Variants in ARID3A observed in about 807,000 individuals in gnomAD.
ARID3A encodes AT-rich interaction domain 3A.
Under a neutral mutation model 52.7 loss-of-function variants are expected in ARID3A, and 11 were observed. That is an observed-to-expected ratio of 0.21 (90% CI 0.13 to 0.35). The LOEUF is 0.35. Among genes scored for constraint, ARID3A ranks in the 10% least tolerant of loss-of-function variants. ARID3A has a pLI of 1.00. For missense variants in ARID3A, 721 were observed against 838.5 expected (o/e 0.86, Z 1.73); for synonymous variants, 404 against 359.4 (o/e 1.12, Z -1.40).
chr19:934,007 G>T (rs1356590255), intron 3 of ARID3A, among the ~76,000 whole-genome samples: 2 of 152,168 alleles, frequency 1.3e-5, no homozygotes, highest in Non-Finnish European at 1.5e-5. Context: ...ATCTTTTCTG[G>T]GTTTAAGATG....
In ARID3A at chr19:974,173, T is replaced by G. The variant is rs1201715922; in HGVS notation, c.*2108T>G. The G allele has an allele frequency of 4.5e-6, 1 of 224,630 alleles. No individual in the cohort carries two copies. The highest frequency in any genetic ancestry group is 8.9e-6 in the Non-Finnish European group (1 of 112,848). 13.9% of individuals were successfully genotyped at this position (224,630 alleles called of 1,614,324 possible). On this transcript the variant is annotated 3_prime_UTR_variant, in exon 9 of 9. Transcript: ENST00000263620. ...GCTGGGGGGCTTCTGAGCCCCTGAG[T>G]CTAGGTTCACTTTCCCGTCGGGCTG...
At chr19:968,049 A>AG (rs960038016) in intron 7 of ARID3A, among the ~76,000 whole-genome samples, 35 of 148,224 alleles carry the variant, frequency 2.4e-4, no homozygotes, top group South Asian at 8.5e-4. Context: ...CGTCTCAAAA[A>AG]AAAAAAAAAA....
rs2037542106 is a variant in ARID3A, at chr19:941,102, G to GTGGC, written c.693+8363_693+8366dup. Among the ~76,000 whole-genome samples, 1 of 152,146 alleles carries GTGGC rather than the reference G, an allele frequency of 6.6e-6. No individual in the cohort carries two copies. Among genetic ancestry groups the GTGGC allele is most frequent in the African/African-American group, 2.4e-5 (1 of 41,450 alleles). ...CGCCCACCGCCGGCGTCCCACCCTG[G>GTGGC]TGGCTGCTGCCAAGCGCCGGCCCCG... On this transcript the variant is annotated intron_variant, in intron 3 of 8. Transcript: ENST00000263620. This position sits in a 1 kb window ranked among gnomAD's most constrained non-coding sequence, Gnocchi z 6.9.
intron 3 of ARID3A, among the ~76,000 whole-genome samples, chr19:953,792 G>A (rs1478928481): frequency 1.3e-5 from 2 of 152,200 alleles, no homozygotes; most frequent in African/African-American, 4.8e-5. Context: ...AAGACGCCAA[G>A]GCTGGGTCTG....
chr19:958,407 G>A (rs538577040), intron 3 of ARID3A, among the ~76,000 whole-genome samples: 13 of 132,212 alleles, frequency 9.8e-5, no homozygotes, highest in South Asian at 2.5e-4. Context: ...CAGCCTGGGC[G>A]ACAGAGCGAG....
At chr19:946,784 CTGTT>C (rs535988783) in intron 3 of ARID3A, among the ~76,000 whole-genome samples, 10 of 150,872 alleles carry the variant, frequency 6.6e-5, no homozygotes, top group African/African-American at 2.0e-4. Flanking sequence ...AACTAAAATT[CTGTT>C]TGTTTGTTTG....
In ARID3A at chr19:953,701, G is replaced by A. The variant is rs771938895; in HGVS notation, c.694-6391G>A. On this transcript the variant is annotated intron_variant, in intron 3 of 8. Coordinates refer to ENST00000263620, the MANE Select transcript of ARID3A (RefSeq NM_005224.3). ...TTGGGCGGGAAGGCAGGAGCCGAGC[G>A]GGGACCCGGGAGCTGCATTCCAGGC... Among the ~76,000 whole-genome samples, 5 of 152,172 alleles carry A rather than the reference G, an allele frequency of 3.3e-5. 1 individual carries two copies. The highest frequency in any genetic ancestry group is 5.9e-5 in the Non-Finnish European group (4 of 68,030).
At chr19:936,534 C>A (rs139157181) in intron 3 of ARID3A, among the ~76,000 whole-genome samples, 1,639 of 151,966 alleles carry the variant, frequency 0.011, 12 homozygotes, top group African/African-American at 0.023. Context: ...CAGAGCGAGA[C>A]CCTGTCTCGA....
chr19:933,047 G>T (rs932263457), intron 3 of ARID3A, among the ~76,000 whole-genome samples: 2 of 152,126 alleles, frequency 1.3e-5, no homozygotes, highest in African/African-American at 4.8e-5. Context: ...GGAGGGAGAG[G>T]CTGGCGCCGG....
intron 4 of ARID3A, among the ~76,000 whole-genome samples, chr19:963,403 G>A (rs781718727): frequency 2.6e-5 from 4 of 152,238 alleles, no homozygotes; most frequent in Admixed American, 1.3e-4. Context: ...TTCACGGACA[G>A]AACGATAGGT....
intron 3 of ARID3A, among the ~76,000 whole-genome samples, chr19:934,644 C>T (rs904007848): frequency 2.6e-5 from 4 of 152,072 alleles, no homozygotes; most frequent in Non-Finnish European, 5.9e-5. Flanking sequence ...GACTAAAGCT[C>T]GGCTTGTGTG....
At chr19:930,658 C>T (rs62132341) in intron 2 of ARID3A, among the ~76,000 whole-genome samples, 14,650 of 150,316 alleles carry the variant, frequency 0.097, 811 homozygotes, top group Admixed American at 0.14. Flanking sequence ...TACAGGCGCC[C>T]GCCACCACGC....
intron 8 of ARID3A, among the ~76,000 whole-genome samples, chr19:969,846 A>G (rs1262745213): frequency 0.012 from 1,875 of 151,004 alleles, 43 homozygotes; most frequent in African/African-American, 0.043. Context: ...GTGTCACCAC[A>G]CCCAGCTAAT....
At chr19:930,510 G>A (rs1391699907) in intron 2 of ARID3A, among the ~76,000 whole-genome samples, 2 of 148,864 alleles carry the variant, frequency 1.3e-5, no homozygotes, top group Non-Finnish European at 3.0e-5. Flanking sequence ...CAAGAATGTG[G>A]GTTTTTTTTT....
Position 950,881 on chromosome 19 carries a change from G to A in ARID3A, c.694-9211G>A, listed in dbSNP as rs113590374. ...CTTGTTTCCCAGGCTGGAGTGCAAT[G>A]GCACGATCTCAGCTCACCACAACCT... On this transcript the variant is annotated intron_variant, in intron 3 of 8. Transcript: ENST00000263620. Among the ~76,000 whole-genome samples, 431 of 152,034 alleles carry A rather than the reference G, an allele frequency of 2.8e-3. 2 individuals are homozygous for A. The highest frequency in any genetic ancestry group is 5.1e-3 in the Non-Finnish European group (347 of 67,966).
At position 964,684 on chromosome 19, in the gene ARID3A, A is replaced by G. The variant is rs2038110728; in HGVS notation, c.951-149A>G. ...CAGCATTGAGATGGAGGGAATGGGC[A>G]AAGGCCCAGCAGCTCTGGGGGCTGC... On this transcript the variant is annotated intron_variant, in intron 5 of 8. Transcript: ENST00000263620. The surrounding 1 kb of genome is among the most constrained non-coding windows in gnomAD (Gnocchi z 5.7). 1 of 1,366,496 alleles carries G rather than the reference A, an allele frequency of 7.3e-7. No homozygotes were observed. Among genetic ancestry groups the G allele is most frequent in the Admixed American group, 2.7e-5 (1 of 36,470 alleles). The allele number at this position is 1,366,496 out of a possible 1,614,324, so 84.6% of individuals were successfully genotyped here.
rs774034068 is a variant in ARID3A at position 966,598 on chromosome 19, G to A, written c.1225G>A (p.Val409Ile). 2 of 1,575,934 alleles carry A rather than the reference G, an allele frequency of 1.3e-6. No homozygotes were observed. The highest frequency in any genetic ancestry group is 2.3e-5 in the East Asian group (1 of 44,274). ...GGAGGACTCAGCCATCCCCATCACA[G>A]TCCCTGGCCGCCTGCCTGTGTCCCT... ...KEEDSAIPIT[V>I]PGRLPVSLAG... The change falls in exon 7 of 9, where the codon GTC (valine) becomes ATC (isoleucine). Residue 409 changes from valine (V) to isoleucine (I), a missense_variant. By Grantham distance (29) the Val-to-Ile change is conservative (BLOSUM62 3). Around this residue, in one of 5 missense-constraint regions of ARID3A, gnomAD observed 297 missense variants for 343.2 expected, o/e 0.87. Coordinates refer to ENST00000263620, the MANE Select transcript of ARID3A (RefSeq NM_005224.3).
chr19:969,649 T>A (rs1156568903), intron 8 of ARID3A, among the ~76,000 whole-genome samples: 1 of 143,764 alleles, frequency 7.0e-6, no homozygotes, highest in African/African-American at 2.6e-5. Context: ...ACATATATAC[T>A]TTTATATCTA....
chr19:948,388 C>T (rs186076384), intron 3 of ARID3A, among the ~76,000 whole-genome samples: 45 of 152,220 alleles, frequency 3.0e-4, no homozygotes, highest in African/African-American at 8.4e-4. Flanking sequence ...GTTTCCGGGA[C>T]GGGAAAAACA....
Sources: gnomAD v4.1 joint callset for allele counts (sites outside exome capture counted in the v4.1 genomes callset) on GRCh38, gnomAD v4.1.1 for gene constraint, gnomAD v4.1.1 regional missense constraint, Gnocchi (gnomAD v3.1) non-coding constraint, MANE v1.5 for transcripts, NCBI Gene and HGNC (gene_info 2026-07-23, HGNC 2026-07-21) for gene names.